Variants in ZHX3 observed in about 807,000 individuals in gnomAD.
ZHX3 encodes zinc fingers and homeoboxes 3.
ZHX3 carries 20 observed loss-of-function variants against 64.5 expected under a neutral mutation model. That is an observed-to-expected ratio of 0.31 (90% CI 0.22 to 0.45). The LOEUF (loss-of-function observed/expected upper bound fraction) is 0.45. ZHX3 is among the 20% of genes least tolerant of loss of function. The probability of loss-of-function intolerance (pLI) is 1.00; values close to 1 mark genes in which losing one functional copy is unlikely to be tolerated. For synonymous variants in ZHX3, 423 were observed against 461.6 expected (o/e 0.92, Z 1.07); for missense variants, 1,041 against 1,195.8 (o/e 0.87, Z 1.91).
At chr20:41,254,927 A>G (rs1406146744) in intron 2 of ZHX3, among the ~76,000 whole-genome samples, 5 of 152,060 alleles carry the variant, frequency 3.3e-5, no homozygotes, top group Non-Finnish European at 7.4e-5. Flanking sequence ...AAGGTACTAC[A>G]ATGGGCAGGC....
Position 41,202,894 on chromosome 20 carries a change from C to G in ZHX3, c.2023G>C (p.Ala675Pro). 1 of 1,614,150 alleles carries G rather than the reference C, an allele frequency of 6.2e-7. No individual in the cohort carries two copies. The highest frequency in any genetic ancestry group is 8.5e-7 in the Non-Finnish European group (1 of 1,180,022). The change falls in exon 3 of 4, where the codon GCT (alanine) becomes CCT (proline). Residue 675 changes from alanine to proline, a missense_variant. This residue lies in a region of ZHX3 where 649 missense variants were observed against 739.8 expected (regional missense o/e 0.88). Coordinates refer to ENST00000683867, the MANE Select transcript of ZHX3 (RefSeq NM_001384317.1). The surrounding 1 kb of genome is among the most constrained non-coding windows in gnomAD (Gnocchi z 7.0). ...KKVNAEETKK[A>P]EENASQEEEE... The stretch of plus-strand genomic sequence containing the variant: ...TCCTCCTGAGAGGCATTCTCCTCAG[C>G]CTTCTTGGTCTCCTCAGCATTCACT...
intron 2 of ZHX3, among the ~76,000 whole-genome samples, chr20:41,265,315 G>GCCTCAC (rs754830522): frequency 4.0e-4 from 61 of 150,980 alleles, no homozygotes; most frequent in Middle Eastern, 3.4e-3. Context: ...CAATTCTCCT[G>GCCTCAC]CCTCAGCCTC....
chr20:41,287,242 A>G (rs906521173), intron 1 of ZHX3, among the ~76,000 whole-genome samples: 2 of 152,116 alleles, frequency 1.3e-5, no homozygotes, highest in Non-Finnish European at 2.9e-5. Flanking sequence ...CTGTTTAGAG[A>G]GGCCTCCCCT....
In ZHX3 at chr20:41,246,905, C is replaced by A. The variant is rs201086886; in HGVS notation, c.-151+22085G>T. On this transcript the variant is annotated intron_variant, in intron 2 of 3. Coordinates refer to ENST00000683867, the MANE Select transcript of ZHX3 (RefSeq NM_001384317.1). ...AAAACCAAACAAACAAACAAACAAA[C>A]AAAAAAAACTAATATCTAAATATTA... 3.6e-3 allele frequency among the ~76,000 whole-genome samples: 437 copies of A among 122,922 alleles called. 1 individual carries two copies. The highest frequency in any genetic ancestry group is 0.011 in the African/African-American group (339 of 30,188). 80.6% of individuals were successfully genotyped at this position (122,922 alleles called of 152,430 possible).
At chr20:41,276,941 C>T (rs1286878719) in intron 1 of ZHX3, among the ~76,000 whole-genome samples, 1 of 152,212 alleles carries the variant, frequency 6.6e-6, no homozygotes, top group Non-Finnish European at 1.5e-5. Flanking sequence ...GAGTATGTTT[C>T]TAACACACAT....
At chr20:41,206,603 A>T (rs891969479) in intron 2 of ZHX3, among the ~76,000 whole-genome samples, 1 of 152,218 alleles carries the variant, frequency 6.6e-6, no homozygotes, top group Non-Finnish European at 1.5e-5. Context: ...TAGAGAGAAA[A>T]GAGAAAAAAG....
At chr20:41,209,937 A>G (rs996424771) in intron 2 of ZHX3, among the ~76,000 whole-genome samples, 2 of 152,218 alleles carry the variant, frequency 1.3e-5, no homozygotes, top group Non-Finnish European at 2.9e-5. Flanking sequence ...AATTTTTGCA[A>G]TCTACCCATC....
chr20:41,220,658 TAC>T (rs2039873470), intron 2 of ZHX3, among the ~76,000 whole-genome samples: 1 of 152,010 alleles, frequency 6.6e-6, no homozygotes, highest in Middle Eastern at 3.2e-3. Flanking sequence ...TTCTATATGA[TAC>T]AGTTTTTTTT....
chr20:41,302,904 T>G (rs1337966883), intron 1 of ZHX3, among the ~76,000 whole-genome samples: 1 of 152,222 alleles, frequency 6.6e-6, no homozygotes, highest in African/African-American at 2.4e-5. Flanking sequence ...CTAGTGTTTC[T>G]CTACACAATA....
intron 1 of ZHX3, among the ~76,000 whole-genome samples, chr20:41,277,367 T>G (rs2043434464): frequency 6.6e-6 from 1 of 152,194 alleles, no homozygotes; most frequent in East Asian, 1.9e-4. Flanking sequence ...GTAACATTTT[T>G]TAATGGCACG....
At chr20:41,289,100 TC>T (rs1441177053) in intron 1 of ZHX3, among the ~76,000 whole-genome samples, 1 of 152,036 alleles carries the variant, frequency 6.6e-6, no homozygotes, top group African/African-American at 2.4e-5. Context: ...CAAGTGATAC[TC>T]CCACCTCAGC....
chr20:41,243,126 G>A (rs1251643578), intron 2 of ZHX3, among the ~76,000 whole-genome samples: 3 of 152,136 alleles, frequency 2.0e-5, no homozygotes, highest in Non-Finnish European at 4.4e-5. Flanking sequence ...TCCAAGAGAG[G>A]GAGAAATACT....
rs572604255 is a variant in ZHX3 at position 41,181,306 on chromosome 20, A to T, written c.*3885T>A. 2.1e-4 allele frequency: 32 copies of T among 152,320 alleles called. No homozygotes were observed. Among genetic ancestry groups the T allele is most frequent in the African/African-American group, 7.2e-4 (30 of 41,554 alleles). The allele number at this position is 152,320 out of a possible 1,614,324, so 9.4% of individuals were successfully genotyped here. Reference sequence around the variant, plus strand: ...TTGAGAATGGATGTGATATGTGAAAATTTAAATTTAATACAAAAGCACATC... The same window carrying T: ...TTGAGAATGGATGTGATATGTGAAATTTTAAATTTAATACAAAAGCACATC... On this transcript the variant is annotated 3_prime_UTR_variant, in exon 4 of 4. Transcript: ENST00000683867.
chr20:41,216,133 A>C (rs1396552224), intron 2 of ZHX3, among the ~76,000 whole-genome samples: 3 of 152,184 alleles, frequency 2.0e-5, no homozygotes, highest in African/African-American at 7.2e-5. Context: ...ATAGTAATTG[A>C]CTTCACATTC....
chr20:41,229,976 TA>T (rs767520702), intron 2 of ZHX3, among the ~76,000 whole-genome samples: 2 of 152,192 alleles, frequency 1.3e-5, no homozygotes, highest in Non-Finnish European at 2.9e-5. Flanking sequence ...TTCCATTAGA[TA>T]GCCAGTTTTC....
Position 41,202,569 on chromosome 20 carries a change from AAG to A in ZHX3, c.2346_2347del (p.Phe783CysfsTer12). 1 of 1,614,046 alleles carries A rather than the reference AAG, an allele frequency of 6.2e-7. No homozygotes were observed. On this transcript the variant is annotated frameshift_variant, in exon 3 of 4. Transcript: ENST00000683867. LOFTEE classifies it high-confidence loss of function. The surrounding 1 kb of genome is among the most constrained non-coding windows in gnomAD (Gnocchi z 7.0). ...GTTGCTTGGCCACTGTGTCTGGACA[AAG>A]AGCTGCCGCAGCAAGTGCCGCTGCT...
chr20:41,203,391 A>G lies in ZHX3; in HGVS notation c.1526T>C (p.Leu509Pro), dbSNP rs1208226866. 1.2e-6 allele frequency: 2 copies of G among 1,614,072 alleles called. No homozygotes were observed. Among genetic ancestry groups the G allele is most frequent in the Non-Finnish European group, 1.7e-6 (2 of 1,180,052 alleles). Residue 509 changes from leucine to proline, a missense_variant, in exon 3 of 4, where the codon CTG becomes CCG. Leu to Pro is a moderately conservative substitution (Grantham distance 98, BLOSUM62 -3). Transcript: ENST00000683867. This position sits in a 1 kb window ranked among gnomAD's most constrained non-coding sequence, Gnocchi z 7.1. ...CTGGTTCCGACAGAAGCTCCCTTTC[A>G]GAGCTGACAGCTGTTCATGAGATTT... ...NKKSHEQLSA[L>P]KGSFCRNQFP...
At chr20:41,312,377 T>C (rs2045166033) in intron 1 of ZHX3, among the ~76,000 whole-genome samples, 1 of 152,086 alleles carries the variant, frequency 6.6e-6, no homozygotes, top group African/African-American at 2.4e-5. Context: ...CCCTTCCAGG[T>C]TGTGGAAGCT....
intron 1 of ZHX3, among the ~76,000 whole-genome samples, chr20:41,314,122 C>T (rs1472631553): frequency 6.6e-6 from 1 of 152,152 alleles, no homozygotes; most frequent in Non-Finnish European, 1.5e-5. Context: ...CTTTGAAAAG[C>T]TTACGCTCAC....
Sources: gnomAD v4.1 joint callset for allele counts (sites outside exome capture counted in the v4.1 genomes callset) on GRCh38, gnomAD v4.1.1 for gene constraint, gnomAD v4.1.1 regional missense constraint, Gnocchi (gnomAD v3.1) non-coding constraint, MANE v1.5 for transcripts, NCBI Gene and HGNC (gene_info 2026-07-23, HGNC 2026-07-21) for gene names.